SGCG: variants seen among roughly 807,000 people sequenced by gnomAD.
SGCG encodes the protein sarcoglycan gamma.
A neutral mutation model predicts 29.3 loss-of-function variants in SGCG; 26 were observed. That is an observed-to-expected ratio of 0.89 (90% CI 0.65 to 1.23). The LOEUF (loss-of-function observed/expected upper bound fraction) is 1.23. Ranked by LOEUF, SGCG falls within the 50% of genes most tolerant of loss-of-function variation. The pLI is 0.00. For synonymous variants in SGCG, 145 were observed against 129.7 expected, an observed-to-expected ratio of 1.12 and a Z score of -0.80; for missense variants, 353 against 356.0, an observed-to-expected ratio of 0.99 and a Z score of 0.07.
intron 4 of SGCG, among the ~76,000 whole-genome samples, chr13:23,260,193 A>G (rs1880369928): frequency 6.6e-6 from 1 of 151,968 alleles, no homozygotes; most frequent in South Asian, 2.1e-4. Flanking sequence ...CTCTTTATGT[A>G]TCTCTAAGGA....
the SGCG span, among the ~76,000 whole-genome samples, chr13:23,167,879 G>A: frequency 6.6e-6 from 1 of 151,936 alleles, no homozygotes; most frequent in South Asian, 2.1e-4. Context: ...TTACAGGCGC[G>A]TGCCATCACA....
intron 4 of SGCG, among the ~76,000 whole-genome samples, chr13:23,269,305 G>A (rs1880766370): frequency 6.6e-6 from 1 of 152,194 alleles, no homozygotes; most frequent in African/African-American, 2.4e-5. Context: ...AAAAGATAAA[G>A]GGAATTTTAT....
At chr13:23,199,999 C>A (rs918689795) in intron 1 of SGCG, among the ~76,000 whole-genome samples, 5 of 152,176 alleles carry the variant, frequency 3.3e-5, no homozygotes, top group African/African-American at 1.2e-4. Flanking sequence ...TCTTCTGAGT[C>A]CTAAACAACT....
At chr13:23,240,538 A>G (rs949261011) in intron 3 of SGCG, among the ~76,000 whole-genome samples, 9 of 152,362 alleles carry the variant, frequency 5.9e-5, no homozygotes, top group African/African-American at 2.2e-4. Context: ...GTGCACAGGG[A>G]ACATTTATCA....
At chr13:23,242,182 T>C (rs996758220) in intron 3 of SGCG, among the ~76,000 whole-genome samples, 2 of 152,190 alleles carry the variant, frequency 1.3e-5, no homozygotes, top group Non-Finnish European at 2.9e-5. Flanking sequence ...CCACATACTG[T>C]TTGACAGAAT....
intron 2 of SGCG, among the ~76,000 whole-genome samples, chr13:23,217,001 CATG>C (rs1878452707): frequency 1.3e-5 from 2 of 151,992 alleles, no homozygotes; most frequent in African/African-American, 4.8e-5. Context: ...TAATGATGAG[CATG>C]ATGATAATGA....
intron 3 of SGCG, among the ~76,000 whole-genome samples, chr13:23,238,032 G>GA (rs78309901): frequency 5.0e-4 from 75 of 149,420 alleles, no homozygotes; most frequent in South Asian, 1.3e-3. Flanking sequence ...ACTAAAAAAT[G>GA]AAAAAAAAAA....
chr13:23,234,777 A>G (rs1879247525), intron 3 of SGCG, 65 bp downstream of exon 3: 1 of 1,074,246 alleles, frequency 9.3e-7, no homozygotes, highest in Non-Finnish European at 1.5e-6. Flanking sequence ...AAGCACAAAA[A>G]TTCAGTACAG....
intron 6 of SGCG, among the ~76,000 whole-genome samples, chr13:23,319,086 T>G (rs1311700633): frequency 6.6e-6 from 1 of 151,974 alleles, no homozygotes; most frequent in East Asian, 1.9e-4. Flanking sequence ...GATCCCGAGG[T>G]CAGGAGTTCG....
intron 3 of SGCG, among the ~76,000 whole-genome samples, chr13:23,247,756 G>A (rs1377270748): frequency 1.3e-5 from 2 of 149,778 alleles, no homozygotes; most frequent in East Asian, 2.0e-4. Flanking sequence ...GACCAGCCTG[G>A]GCAACATAGT....
chr13:23,196,080 A>G (rs1199379736), intron 1 of SGCG, among the ~76,000 whole-genome samples: 2 of 151,974 alleles, frequency 1.3e-5, no homozygotes, highest in African/African-American at 2.4e-5. Flanking sequence ...CTAAGTTTTC[A>G]TTTAACATTA....
At chr13:23,269,791 C>G (rs1480757268) in intron 4 of SGCG, among the ~76,000 whole-genome samples, 1 of 149,548 alleles carries the variant, frequency 6.7e-6, no homozygotes, top group East Asian at 1.9e-4. Context: ...GTTGTTCTCA[C>G]TGTTGTGCAG....
chr13:23,242,568 G>T (rs1416576261), intron 3 of SGCG, among the ~76,000 whole-genome samples: 1 of 152,054 alleles, frequency 6.6e-6, no homozygotes, highest in African/African-American at 2.4e-5. Context: ...ATTCAAACAG[G>T]TACATTCAGA....
intron 4 of SGCG, among the ~76,000 whole-genome samples, chr13:23,279,078 G>T (rs1881201370): frequency 6.6e-6 from 1 of 152,068 alleles, no homozygotes; most frequent in Non-Finnish European, 1.5e-5. Context: ...ATTATTTTGG[G>T]CAAGTATTTA....
At chr13:23,180,097 AC>A (rs1876680382), upstream of SGCG, among the ~76,000 whole-genome samples, 1 of 152,146 alleles carries the variant, frequency 6.6e-6, no homozygotes, top group African/African-American at 2.4e-5. Flanking sequence ...ATACTAAGGC[AC>A]TGCTTCTTAT....
intron 6 of SGCG, among the ~76,000 whole-genome samples, chr13:23,303,375 A>C (rs540956360): frequency 1.4e-4 from 22 of 152,340 alleles, no homozygotes; most frequent in African/African-American, 5.1e-4. Context: ...AACCACTTTC[A>C]GACACTGGAT....
At chr13:23,322,852 C>T (rs1883103998) in intron 7 of SGCG, among the ~76,000 whole-genome samples, 1 of 149,170 alleles carries the variant, frequency 6.7e-6, no homozygotes, top group Non-Finnish European at 1.5e-5. Context: ...AAGCCTGAGT[C>T]CTAGTGCTAG....
At chr13:23,278,375 G>A (rs1485929364) in intron 4 of SGCG, among the ~76,000 whole-genome samples, 4 of 151,728 alleles carry the variant, frequency 2.6e-5, no homozygotes, top group Admixed American at 6.6e-5. Flanking sequence ...CTTGGGAGGC[G>A]GACATTGCAG....
chr13:23,161,056 G>T, the SGCG span, among the ~76,000 whole-genome samples: 11 of 152,294 alleles, frequency 7.2e-5, no homozygotes, highest in East Asian at 1.9e-3. Context: ...GCTTGCTGGG[G>T]AGTCTGTAAC....
Sources: allele counts gnomAD v4.1 joint callset (sites outside exome capture counted in the v4.1 genomes callset), GRCh38; gene constraint gnomAD v4.1.1; transcripts MANE v1.5; gene names NCBI Gene and HGNC (gene_info 2026-07-23, HGNC 2026-07-21).